The following PFKP variants were observed in gnomAD, a reference collection of about 807,000 sequenced individuals.
PFKP encodes ATP-dependent 6-phosphofructokinase, platelet type.
PFKP carries 101 observed loss-of-function variants against 94.3 expected under a neutral mutation model. The observed-to-expected ratio is 1.07, with a 90% CI of 0.91 to 1.26. PFKP has a LOEUF of 1.26. PFKP is among the 50% of genes most tolerant of loss of function. The pLI is 0.00. For synonymous variants in PFKP, 573 were observed against 432.6 expected (o/e 1.32, Z -4.03); for missense variants, 1,145 against 1,103.3 (o/e 1.04, Z -0.53).
intron 18 of PFKP, 48 bp from the exon 19 acceptor site, chr10:3,133,155 C>G (rs764225916): frequency 2.2e-6 from 3 of 1,381,164 alleles, no homozygotes; most frequent in Admixed American, 1.7e-5. Context: ...CAGGGAGCCA[C>G]GTGCCCACTG....
chr10:3,116,248 C>T (rs915874399), intron 13 of PFKP, among the ~76,000 whole-genome samples: 6 of 152,118 alleles, frequency 3.9e-5, no homozygotes, highest in Non-Finnish European at 8.8e-5. Flanking sequence ...GTGTGTCCAC[C>T]ACATCCGTGA....
chr10:3,130,848 C>T (rs1186109648), intron 17 of PFKP, among the ~76,000 whole-genome samples: 6 of 152,154 alleles, frequency 3.9e-5, no homozygotes, highest in East Asian at 1.9e-4. Context: ...TGAGCCACCG[C>T]GCCCAGCACC....
chr10:3,120,000 G>C lies in PFKP; in HGVS notation c.1639G>C (p.Asp547His). Residue 547 changes from aspartate to histidine, a missense_variant, in exon 16 of 22, where the codon GAT becomes CAT. Physicochemically the swap from Asp to His is moderately conservative, Grantham distance 81 (BLOSUM62 -1). Transcript: ENST00000381125. ...TGTGTCCAACAATGTGCCGGGTTCC[G>C]ATTTCAGCATCGGGGCAGACACCGC... ...ATVSNNVPGS[D>H]FSIGADTALN... The C allele has an allele frequency of 1.9e-6, 3 of 1,613,818 alleles. No individual in the cohort carries two copies. The highest frequency in any genetic ancestry group is 2.5e-6 in the Non-Finnish European group (3 of 1,179,694).
intron 1 of PFKP, among the ~76,000 whole-genome samples, chr10:3,075,884 A>C (rs1003344156): frequency 6.8e-6 from 1 of 147,606 alleles, no homozygotes; most frequent in African/African-American, 2.5e-5. Flanking sequence ...CAGCCTGGGC[A>C]ACAGAGTGAG....
At chr10:3,116,024 A>G (rs1297306310) in intron 13 of PFKP, among the ~76,000 whole-genome samples, 3 of 152,054 alleles carry the variant, frequency 2.0e-5, no homozygotes, top group Admixed American at 1.3e-4. Flanking sequence ...TCTTGTTCAG[A>G]CTTGTGAAGA....
rs1835265754 is a variant in PFKP at position 3,103,851 on chromosome 10, A to G, written c.527A>G (p.Asn176Ser). The G allele has an allele frequency of 6.2e-7, 1 of 1,614,062 alleles. No individual in the cohort carries two copies. Among genetic ancestry groups the G allele is most frequent in the Non-Finnish European group, 8.5e-7 (1 of 1,180,036 alleles). Residue 176 changes from asparagine (N) to serine (S), a missense_variant, in exon 5 of 22, where the codon AAT becomes AGT. This residue lies in a region of PFKP where 1,119 missense variants were observed against 1,062.8 expected (regional missense o/e 1.05). Coordinates refer to ENST00000381125, the MANE Select transcript of PFKP (RefSeq NM_002627.5). ...NVVGMVGSID[N>S]DFCGTDMTIG... is the part of the protein sequence containing the mutation. ...GTGGGCATGGTGGGCTCCATCGACA[A>G]TGATTTCTGCGGCACCGACATGACC...
chr10:3,129,659 A>G, intron 16 of PFKP, 160 bp from the exon 17 acceptor site: 1 of 738,506 alleles, frequency 1.4e-6, no homozygotes, highest in Non-Finnish European at 2.2e-6. Context: ...CTCCGAGGGC[A>G]CATCCTGGCT....
At chr10:3,087,280 G>A (rs4881075) in intron 2 of PFKP, among the ~76,000 whole-genome samples, 69,751 of 151,968 alleles carry the variant, frequency 0.46, 16,580 homozygotes, top group Middle Eastern at 0.63. Flanking sequence ...GGCTTTCTTG[G>A]GAGGTAAAAC....
intron 14 of PFKP, among the ~76,000 whole-genome samples, chr10:3,117,699 G>C: frequency 1.3e-5 from 2 of 152,178 alleles, no homozygotes; most frequent in Non-Finnish European, 2.9e-5. Context: ...GCTCTAGGTA[G>C]AGGCAGATGC....
At chr10:3,121,162 G>C (rs112995679) in intron 16 of PFKP, among the ~76,000 whole-genome samples, 3 of 152,128 alleles carry the variant, frequency 2.0e-5, no homozygotes, top group Non-Finnish European at 4.4e-5. Flanking sequence ...CTTTCTTTGC[G>C]AAGGAAACCT....
At chr10:3,096,729 A>G (rs1003663152) in intron 2 of PFKP, among the ~76,000 whole-genome samples, 1 of 151,820 alleles carries the variant, frequency 6.6e-6, no homozygotes, top group African/African-American at 2.4e-5. Context: ...TGTTGCTCCC[A>G]GACCTGAAGA....
rs781587688 is a variant in PFKP, at chr10:3,113,383, C to T, written c.1236C>T (p.Asn412=). 1.9e-5 allele frequency: 30 copies of T among 1,589,266 alleles called. No individual in the cohort carries two copies. The highest frequency in any genetic ancestry group is 1.7e-4 in the Middle Eastern group (1 of 5,970). Residue 412 remains asparagine (N), a synonymous_variant, in exon 13 of 22, where the codon AAC becomes AAT. Transcript: ENST00000381125. ...CTTCTGTTTTGCAGACCAATTGCAA[C>T]GTAGCTGTCATCAACGTGGGGGCAC... The part of the protein sequence containing the change: ...PDDQIPKTNC[N]VAVINVGAPA...
rs778733639 is a variant in PFKP, at chr10:3,113,001, G to A, written c.1155-118G>A. ...TGGAACCCTGGGGCCTCCTCCTTCT[G>A]CCCAGATAGTCGGGCAGACACATTG... is the stretch of plus-strand genomic sequence containing the variant. On this transcript the variant is annotated intron_variant, in intron 11 of 21. Coordinates refer to ENST00000381125, the MANE Select transcript of PFKP (RefSeq NM_002627.5). 1.3e-4 allele frequency: 118 copies of A among 890,626 alleles called. No individual in the cohort carries two copies. The Middle Eastern group carries it at 2.0e-3, about 15-fold the overall frequency. 55.2% of individuals were successfully genotyped at this position (890,626 alleles called of 1,614,324 possible).
intron 7 of PFKP, 57 bp from the exon 8 acceptor site, chr10:3,107,148 TTTTGTTGCA>T (rs1835714252): frequency 6.1e-6 from 6 of 984,694 alleles, no homozygotes; most frequent in Admixed American, 5.3e-5. Flanking sequence ...ACTTCTGTGG[TTTTGTTGCA>T]TTTGTTGCTA....
chr10:3,136,452 A>C lies in PFKP; in HGVS notation c.2228A>C (p.His743Pro). 1.9e-6 allele frequency: 3 copies of C among 1,613,520 alleles called. No individual in the cohort carries two copies. The highest frequency in any genetic ancestry group is 2.5e-6 in the Non-Finnish European group (3 of 1,179,634). ...AELKKQTDFE[H>P]RIPKEQWWLK... ...GCTGTCTCCTCTTACCTCCACAGGCACAGGATTCCCAAAGAACAGTGGTGG... is the reference window on the plus strand; with the variant it reads ...GCTGTCTCCTCTTACCTCCACAGGCCCAGGATTCCCAAAGAACAGTGGTGG... Residue 743 changes from histidine to proline, a missense_variant and splice_region_variant, in exon 22 of 22, where the codon CAC (histidine) becomes CCC (proline). By Grantham distance (77) the His-to-Pro change is moderately conservative. Coordinates refer to ENST00000381125, the MANE Select transcript of PFKP (RefSeq NM_002627.5).
rs1315290837 is a variant in PFKP, at chr10:3,105,434, G to C, written c.707G>C (p.Trp236Ser). 6 of 1,613,984 alleles carry C rather than the reference G, an allele frequency of 3.7e-6. No homozygotes were observed. Among genetic ancestry groups the C allele is most frequent in the African/African-American group, 1.3e-5 (1 of 74,914 alleles). Residue 236 changes from tryptophan to serine, a missense_variant, in exon 7 of 22, where the codon TGG becomes TCG. This residue lies in a region of PFKP where 1,119 missense variants were observed against 1,062.8 expected (regional missense o/e 1.05). Transcript: ENST00000381125. ...LVSALACGAD[W>S]VFLPESPPEE... ...AGTGCCTTGGCCTGCGGTGCGGACT[G>C]GGTGTTCCTTCCAGAATCTCCACCA...
At position 3,132,025 on chromosome 10, in the gene PFKP, C is replaced by T. The variant is rs115172717; in HGVS notation, c.1849-355C>T. On this transcript the variant is annotated intron_variant, in intron 17 of 21. Transcript: ENST00000381125. ...TAGAAAGGCCACAGGTCACTCTTTC[C>T]TCTGAGAGCACCGAGAACATCGTCA... Among the ~76,000 whole-genome samples, 1,311 of 152,266 alleles carry T rather than the reference C, an allele frequency of 8.6e-3. 16 individuals carry two copies. The highest frequency in any genetic ancestry group is 0.03 in the African/African-American group (1,245 of 41,548).
chr10:3,075,948 T>G (rs1832544934), intron 1 of PFKP, among the ~76,000 whole-genome samples: 1 of 138,592 alleles, frequency 7.2e-6, no homozygotes, highest in South Asian at 2.3e-4. Context: ...GAAGCGGAGC[T>G]TGCAGTGAGC....
rs760909771 is a variant in PFKP, at chr10:3,113,372, AC to A, written c.1227del (p.Asn410IlefsTer4). The A allele has an allele frequency of 6.3e-7, 1 of 1,581,996 alleles. No homozygotes were observed. The highest frequency in any genetic ancestry group is 1.3e-5 in the African/African-American group (1 of 74,422). ...IKLPDDQIPK[T>X]NCNVAVINVG... ...CACTCACCTGCCTTCTGTTTTGCAG[AC>A]CAATTGCAACGTAGCTGTCATCAAC... On this transcript the variant is annotated frameshift_variant and splice_region_variant, in exon 13 of 22. Coordinates refer to ENST00000381125, the MANE Select transcript of PFKP (RefSeq NM_002627.5). LOFTEE classifies it high-confidence loss of function.
Sources: gnomAD v4.1 joint callset for allele counts (sites outside exome capture counted in the v4.1 genomes callset) on GRCh38, gnomAD v4.1.1 for gene constraint, gnomAD v4.1.1 regional missense constraint, MANE v1.5 for transcripts, NCBI Gene and HGNC (gene_info 2026-07-23, HGNC 2026-07-21) for gene names.